Variants in KMT2C observed in about 807,000 individuals in gnomAD.
The protein encoded by KMT2C is lysine methyltransferase 2C.
In KMT2C, 88 loss-of-function variants were observed where a neutral mutation model predicts 507.9. The ratio of observed to expected loss-of-function variants is 0.17; its 90% confidence interval spans 0.15 to 0.21. KMT2C has a LOEUF of 0.21. KMT2C is among the 10% of genes least tolerant of loss of function. The pLI is 1.00. For synonymous variants in KMT2C, 2,049 were observed against 2,080.8 expected (o/e 0.98, Z 0.42); for missense variants, 4,954 against 5,957.8 (o/e 0.83, Z 5.55).
chr7:152,391,543 C>CTTTTTTT lies in KMT2C; in HGVS notation c.162-32875_162-32869dup, dbSNP rs71198782. ...AGACATGAGCCACTGCATGCCCGGC[C>CTTTTTTT]TTTTTTTTTTTTTTTTTTTTTGACA... is the stretch of plus-strand genomic sequence containing the variant. On this transcript the variant is annotated intron_variant, in intron 1 of 58. Transcript: ENST00000262189. Among the ~76,000 whole-genome samples, 90 of 97,128 alleles carry CTTTTTTT rather than the reference C, an allele frequency of 9.3e-4. 1 individual carries two copies. Among genetic ancestry groups the CTTTTTTT allele is most frequent in the African/African-American group, 3.5e-3 (86 of 24,656 alleles). The allele number at this position is 97,128 out of a possible 152,430, so 63.7% of individuals were successfully genotyped here. A position where few individuals can be genotyped will look rare whatever the true frequency, so the allele number is the denominator to read the frequency against.
chr7:152,176,635 G>C lies in KMT2C; in HGVS notation c.8818C>G (p.Pro2940Ala). Residue 2940 changes from proline to alanine, a missense_variant, in exon 38 of 59, where the codon CCA (proline) becomes GCA (alanine). Physicochemically the swap from Pro to Ala is conservative, Grantham distance 27. Coordinates refer to ENST00000262189, the MANE Select transcript of KMT2C (RefSeq NM_170606.3). ...SDIRPSGSPP[P>A]PTLPASPSNH... ...GATGGGGAGGCCGGCAGAGTTGGTG[G>C]TGGTGGAGACCCCGATGGCCTAATG... 2 of 1,614,182 alleles carry C rather than the reference G, an allele frequency of 1.2e-6. No individual in the cohort carries two copies. The highest frequency in any genetic ancestry group is 1.7e-6 in the Non-Finnish European group (2 of 1,180,034).
intron 13 of KMT2C, 46 bp from the exon 14 acceptor site, chr7:152,248,666 T>A (rs1272878745): frequency 1.6e-6 from 2 of 1,230,576 alleles, no homozygotes; most frequent in South Asian, 1.5e-5. Context: ...AAACAAATTT[T>A]AAATTTTCTA....
At chr7:152,160,057 T>G (rs995482167) in intron 43 of KMT2C, among the ~76,000 whole-genome samples, 6 of 152,224 alleles carry the variant, frequency 3.9e-5, no homozygotes, top group African/African-American at 1.4e-4. Context: ...CCATAAACAA[T>G]TCATAAATCA....
At chr7:152,160,869 A>T (rs776384565) in intron 43 of KMT2C, among the ~76,000 whole-genome samples, 98 of 152,146 alleles carry the variant, frequency 6.4e-4, no homozygotes, top group Non-Finnish European at 9.6e-4. Context: ...GGTACAACAG[A>T]AATCGCTATG....
intron 1 of KMT2C, among the ~76,000 whole-genome samples, chr7:152,426,114 T>C (rs2097815096): frequency 6.6e-6 from 1 of 152,134 alleles, no homozygotes; most frequent in African/African-American, 2.4e-5. Context: ...AGATTTCTGC[T>C]GACCTAGCTT....
chr7:152,345,180 G>A (rs904146391), intron 2 of KMT2C, among the ~76,000 whole-genome samples: 1 of 151,984 alleles, frequency 6.6e-6, no homozygotes, highest in Non-Finnish European at 1.5e-5. Context: ...ACCACTTTAG[G>A]AGGCTGAGGC....
chr7:152,290,925 A>G (rs2096416472), intron 6 of KMT2C, among the ~76,000 whole-genome samples: 1 of 152,042 alleles, frequency 6.6e-6, no homozygotes. Context: ...TCTTTTTAAA[A>G]GCTTATGAGT....
In KMT2C at chr7:152,181,200, C is replaced by G. The variant is rs2129119736; in HGVS notation, c.6660G>C (p.Gln2220His). ...PRPGISVPYS[Q>H]PPATPRPRIS... is the part of the protein sequence containing the mutation. ...TCCTTGGCCTTGGTGTTGCTGGTGGCTGAGAGTAAGGGACAGAAATTCCAG... is the reference window on the plus strand; with the variant it reads ...TCCTTGGCCTTGGTGTTGCTGGTGGGTGAGAGTAAGGGACAGAAATTCCAG... Residue 2220 changes from glutamine (Q) to histidine (H), a missense_variant, in exon 36 of 59, where the codon CAG (glutamine) becomes CAC (histidine). Physicochemically the swap from Gln to His is conservative, Grantham distance 24 (BLOSUM62 0). Around this residue, in one of 29 missense-constraint regions of KMT2C, gnomAD observed 1,689 missense variants for 1,654.3 expected, o/e 1.02. Transcript: ENST00000262189. The G allele has an allele frequency of 6.2e-7, 1 of 1,614,010 alleles. No individual in the cohort carries two copies. The highest frequency in any genetic ancestry group is 8.5e-7 in the Non-Finnish European group (1 of 1,180,012).
intron 41 of KMT2C, 24 bp downstream of exon 41, chr7:152,169,162 T>G: frequency 6.9e-7 from 1 of 1,448,192 alleles, no homozygotes; most frequent in East Asian, 2.3e-5. Context: ...CCAGAAAACA[T>G]TAACTTATTA....
chr7:152,273,948 A>C (rs2096025686), intron 6 of KMT2C, 81 bp from the exon 7 acceptor site: 1 of 1,430,532 alleles, frequency 7.0e-7, no homozygotes. Flanking sequence ...GGTATAAAAA[A>C]CTCTCTGTAT....
At chr7:152,198,244 G>A (rs906813194) in intron 27 of KMT2C, among the ~76,000 whole-genome samples, 1 of 152,130 alleles carries the variant, frequency 6.6e-6, no homozygotes, top group Non-Finnish European at 1.5e-5. Flanking sequence ...CAACAATGAG[G>A]CAGACTGGAC....
intron 42 of KMT2C, among the ~76,000 whole-genome samples, chr7:152,164,056 G>C (rs1482381890): frequency 2.0e-5 from 3 of 152,108 alleles, no homozygotes. Flanking sequence ...ATCTGTAAAA[G>C]TGCTTCACAT....
rs2090918829 is a variant in KMT2C at position 152,144,535 on chromosome 7, C to T, written c.14343+178G>A. The stretch of plus-strand genomic sequence containing the variant: ...CTTTGGGGAAGCCAATCACCAAGTC[C>T]CAAGACTACATATTAAATCCCTAGT... On this transcript the variant is annotated intron_variant, in intron 55 of 58. Transcript: ENST00000262189. This position sits in a 1 kb window ranked among gnomAD's most constrained non-coding sequence, Gnocchi z 4.4. Among the ~76,000 whole-genome samples, 1 of 152,168 alleles carries T rather than the reference C, an allele frequency of 6.6e-6. No homozygotes were observed. Among genetic ancestry groups the T allele is most frequent in the Non-Finnish European group, 1.5e-5 (1 of 68,028 alleles).
rs759981520 is a variant in KMT2C at position 152,181,986 on chromosome 7, T to G, written c.5874A>C (p.Thr1958=). The G allele has an allele frequency of 6.2e-7, 1 of 1,614,200 alleles. No homozygotes were observed. Among genetic ancestry groups the G allele is most frequent in the South Asian group, 1.1e-5 (1 of 91,084 alleles). ...GAGGTTTTGCATAGGGGTCATTATT[T>G]GTCGTGGAAGAAGAACATAAATCTC... The part of the protein sequence containing the change: ...PVRDLCSSST[T]NNDPYAKPPD... Residue 1958 remains threonine (T), a synonymous_variant, in exon 36 of 59, where the codon ACA becomes ACC. Transcript: ENST00000262189.
chr7:152,367,400 G>A, intron 1 of KMT2C: 1 of 687,468 alleles, frequency 1.5e-6, no homozygotes, highest in Non-Finnish European at 2.5e-6. Context: ...AGCATACAAA[G>A]TGAGACAGGG....
intron 23 of KMT2C, among the ~76,000 whole-genome samples, chr7:152,210,087 AT>A (rs1191859182): frequency 1.3e-5 from 2 of 152,172 alleles, no homozygotes; most frequent in Non-Finnish European, 2.9e-5. Context: ...GGCATACTAA[AT>A]GTGGACAACC....
At chr7:152,241,871 A>T (rs2095392917) in intron 14 of KMT2C, among the ~76,000 whole-genome samples, 1 of 152,232 alleles carries the variant, frequency 6.6e-6, no homozygotes, top group African/African-American at 2.4e-5. Flanking sequence ...ATTTTCTGGT[A>T]ATTATGTATT....
In KMT2C at chr7:152,162,935, G is replaced by C; in HGVS notation, c.10642C>G (p.Pro3548Ala). 3.1e-6 allele frequency: 5 copies of C among 1,614,142 alleles called. No homozygotes were observed. Among genetic ancestry groups the C allele is most frequent in the Non-Finnish European group, 4.2e-6 (5 of 1,180,032 alleles). ...GCAGGTGTAAAAGAAGGCCTCACTG[G>C]GGACTGCTGGAAGCTGGTCCCAGAA... ...NLSGTSFQQS[P>A]VRPSFTPALP... Residue 3548 changes from proline to alanine, a missense_variant, in exon 43 of 59, where the codon CCA becomes GCA. Pro to Ala is a conservative substitution (Grantham distance 27). Coordinates refer to ENST00000262189, the MANE Select transcript of KMT2C (RefSeq NM_170606.3).
chr7:152,396,784 C>G (rs1384260340), intron 1 of KMT2C, among the ~76,000 whole-genome samples: 1 of 152,206 alleles, frequency 6.6e-6, no homozygotes, highest in African/African-American at 2.4e-5. Context: ...AAGGCATACT[C>G]TGTTGGGGGA....
Sources: gnomAD v4.1 joint callset for allele counts (sites outside exome capture counted in the v4.1 genomes callset) on GRCh38, gnomAD v4.1.1 for gene constraint, gnomAD v4.1.1 regional missense constraint, Gnocchi (gnomAD v3.1) non-coding constraint, MANE v1.5 for transcripts, NCBI Gene and HGNC (gene_info 2026-07-23, HGNC 2026-07-21) for gene names.